The following MDN1 variants were observed in gnomAD, a reference collection of about 807,000 sequenced individuals.
MDN1 encodes midasin.
MDN1 carries 266 observed loss-of-function variants against 669.2 expected under a neutral mutation model. The observed-to-expected ratio is 0.40, with a 90% CI of 0.36 to 0.44. The LOEUF is 0.44. Ranked by LOEUF, MDN1 falls within the 20% of genes least tolerant of loss-of-function variation. The pLI is 1.00. For missense variants in MDN1, 5,940 were observed against 6,754.0 expected, an observed-to-expected ratio of 0.88 and a Z score of 4.22; for synonymous variants, 2,385 against 2,457.1, an observed-to-expected ratio of 0.97 and a Z score of 0.87.
chr6:89,796,328 AAAAAAAAAAAAAAAAAAAAAAAC>A (rs1584384971), intron 2 of MDN1, among the ~76,000 whole-genome samples: 3 of 105,624 alleles, frequency 2.8e-5, no homozygotes, highest in Non-Finnish European at 4.5e-5. Context: ...CTGTCTCAAA[AAAAAAAAAAAAAAAAAAAAAAAC>A]AAAAAAAAAA....
At chr6:89,744,984 T>C (rs967055480) in intron 29 of MDN1, among the ~76,000 whole-genome samples, 1 of 151,540 alleles carries the variant, frequency 6.6e-6, no homozygotes, top group Admixed American at 6.6e-5. Context: ...TTTTTTTTTT[T>C]TTAGGGTACA....
chr6:89,732,562 C>T lies in MDN1; in HGVS notation c.4937G>A (p.Gly1646Asp). 6.2e-7 allele frequency: 1 copy of T among 1,614,012 alleles called. No individual in the cohort carries two copies. The highest frequency in any genetic ancestry group is 8.5e-7 in the Non-Finnish European group (1 of 1,179,862). The change falls in exon 34 of 102, where the codon GGT becomes GAT. Residue 1646 changes from glycine to aspartate, a missense_variant. Around this residue, in one of 5 missense-constraint regions of MDN1, gnomAD observed 2,292 missense variants for 2,638.3 expected, o/e 0.87. Coordinates refer to ENST00000369393, the MANE Select transcript of MDN1 (RefSeq NM_014611.3). ...CCAGCTACCAGACAACATACCTGAACCTATTCCATCTATGTACACCAGGCA... is the reference window on the plus strand; with the variant it reads ...CCAGCTACCAGACAACATACCTGAATCTATTCCATCTATGTACACCAGGCA... ...AACLVYIDGI[G>D]SGVTSSGFGT...
chr6:89,718,414 A>G lies in MDN1; in HGVS notation c.6535T>C (p.Leu2179=), dbSNP rs774382060. The G allele has an allele frequency of 1.4e-5, 22 of 1,613,948 alleles. No homozygotes were observed. The highest frequency in any genetic ancestry group is 8.9e-5 in the East Asian group (4 of 44,902). Reference sequence around the variant, plus strand: ...TTATTGTTGAGTCGCTGCATAAGCAATAACACTGCTTCTAGTTTGTTGACA... The same window carrying G: ...TTATTGTTGAGTCGCTGCATAAGCAGTAACACTGCTTCTAGTTTGTTGACA... ...EIVNKLEAVL[L]LMQRLNNKIN... Residue 2179 remains leucine (L), a synonymous_variant, in exon 43 of 102, where the codon TTG becomes CTG. Transcript: ENST00000369393.
intron 2 of MDN1, among the ~76,000 whole-genome samples, chr6:89,796,559 ATGT>A (rs1228441211): frequency 1.3e-5 from 2 of 152,088 alleles, no homozygotes; most frequent in Non-Finnish European, 2.9e-5. Context: ...ATGAACCTTA[ATGT>A]AATCAGGTGG....
At position 89,785,860 on chromosome 6, in the gene MDN1, T is replaced by A. The variant is rs891994509; in HGVS notation, c.1335-734A>T. Among the ~76,000 whole-genome samples the A allele has an allele frequency of 3.0e-4, 45 of 152,148 alleles. 3 individuals are homozygous for A. Among genetic ancestry groups the A allele is most frequent in the Non-Finnish European group, 2.9e-5 (2 of 68,024 alleles). On this transcript the variant is annotated intron_variant, in intron 8 of 101. Transcript: ENST00000369393. ...ACTATCTCTATAAATAAAATCAAGG[T>A]CAGCCAGGCTCAGTGGCTCATGTCG...
In MDN1 at chr6:89,653,096, T is replaced by G; in HGVS notation, c.15721A>C (p.Arg5241=). Reference sequence around the variant, plus strand: ...GTCTCCTTATGGGCTTTGTCTGTTCTGGGGTCTTGGTCTTCCTCTGTTTTA... The same window carrying G: ...GTCTCCTTATGGGCTTTGTCTGTTCGGGGGTCTTGGTCTTCCTCTGTTTTA... ...TVKTEEDQDP[R]TDKAHKETEN... is the part of the protein sequence containing the mutation. Residue 5241 remains arginine, a synonymous_variant, in exon 94 of 102, where the codon AGA becomes CGA. Coordinates refer to ENST00000369393, the MANE Select transcript of MDN1 (RefSeq NM_014611.3). 1.2e-6 allele frequency: 2 copies of G among 1,614,206 alleles called. No homozygotes were observed. Among genetic ancestry groups the G allele is most frequent in the Non-Finnish European group, 1.7e-6 (2 of 1,180,036 alleles).
Position 89,708,487 on chromosome 6 carries a change from T to G in MDN1, c.7898+9A>C. On this transcript the variant is annotated intron_variant, in intron 51 of 101. Transcript: ENST00000369393. ...GCAAACAGTGCCCAGAGCAGCAGGT[T>G]TCACTTACTTGTTTGCAGCTGATTC... The G allele has an allele frequency of 2.5e-6, 4 of 1,613,792 alleles. No homozygotes were observed. The South Asian group carries it at 4.4e-5, about 18-fold the overall frequency.
At chr6:89,725,930 T>TACAC (rs71024397) in intron 37 of MDN1, among the ~76,000 whole-genome samples, 385 of 147,576 alleles carry the variant, frequency 2.6e-3, no homozygotes, top group South Asian at 5.2e-3. Context: ...TGGTATTTTA[T>TACAC]ACACACACAC....
At chr6:89,813,028 C>A (rs569447395) in intron 1 of MDN1, among the ~76,000 whole-genome samples, 3 of 152,158 alleles carry the variant, frequency 2.0e-5, no homozygotes, top group South Asian at 4.1e-4. Context: ...ACAACCTCTG[C>A]CTCCCAGGTT....
rs760059764 is a variant in MDN1 at position 89,712,108 on chromosome 6, CTCTT to C, written c.7575_7578del (p.Arg2526GlnfsTer16). ...CTGAGCATCCAATCCTGATTGGTTG[CTCTT>C]TCTATGAGCAATTTAACAGCCATGA... On this transcript the variant is annotated frameshift_variant, in exon 49 of 102. Transcript: ENST00000369393. LOFTEE classifies it high-confidence loss of function. 1.2e-6 allele frequency: 2 copies of C among 1,614,148 alleles called. No individual in the cohort carries two copies. Among genetic ancestry groups the C allele is most frequent in the Non-Finnish European group, 1.7e-6 (2 of 1,179,994 alleles).
At chr6:89,799,680 T>C (rs769644847) in intron 2 of MDN1, among the ~76,000 whole-genome samples, 15 of 151,886 alleles carry the variant, frequency 9.9e-5, no homozygotes, top group African/African-American at 2.9e-4. Context: ...CGAAATTCCA[T>C]CTCCAAAGAA....
rs756082231 is a variant in MDN1, at chr6:89,699,002, C to G, written c.9031G>C (p.Glu3011Gln). ...SPEEITSLWS[E>Q]LFNSMFMSFW... ...GACATAAACATGGAATTAAATAACT[C>G]GGACCACAAAGATGTAATTTCTTCA... Residue 3011 changes from glutamate (E) to glutamine (Q), a missense_variant, in exon 59 of 102, where the codon GAG (glutamate) becomes CAG (glutamine). Glu to Gln is a conservative substitution (Grantham distance 29). Coordinates refer to ENST00000369393, the MANE Select transcript of MDN1 (RefSeq NM_014611.3). 6.2e-7 allele frequency: 1 copy of G among 1,613,556 alleles called. No homozygotes were observed. Among genetic ancestry groups the G allele is most frequent in the Admixed American group, 1.7e-5 (1 of 59,960 alleles).
At chr6:89,664,248 T>A (rs1245699221) in intron 85 of MDN1, among the ~76,000 whole-genome samples, 1 of 145,524 alleles carries the variant, frequency 6.9e-6, no homozygotes, top group Non-Finnish European at 1.5e-5. Context: ...AGCCACTGCA[T>A]CTAGCACACG....
chr6:89,786,062 G>C (rs1182521358), intron 8 of MDN1, among the ~76,000 whole-genome samples: 1 of 152,098 alleles, frequency 6.6e-6, no homozygotes, highest in Non-Finnish European at 1.5e-5. Flanking sequence ...AGAAGTTCAA[G>C]ACCAGCCTGG....
intron 1 of MDN1, among the ~76,000 whole-genome samples, chr6:89,816,717 C>A (rs1768864664): frequency 6.9e-6 from 1 of 145,748 alleles, no homozygotes. Flanking sequence ...CTCTGTCACC[C>A]ACGCTGGAGT....
At chr6:89,765,047 G>A (rs1418913353) in intron 15 of MDN1, among the ~76,000 whole-genome samples, 1 of 152,142 alleles carries the variant, frequency 6.6e-6, no homozygotes. Flanking sequence ...ACGAGGTCAG[G>A]AGATCGAGAT....
chr6:89,743,708 C>T lies in MDN1; in HGVS notation c.4185G>A (p.Gly1395=). 6.2e-7 allele frequency: 1 copy of T among 1,613,708 alleles called. No individual in the cohort carries two copies. Among genetic ancestry groups the T allele is most frequent in the Non-Finnish European group, 8.5e-7 (1 of 1,179,820 alleles). ...CAAATACCTGACAGATAGTAGTTTT[C>T]CCACACCTGTTAGAGATGTGCAACT... ...PVLLVGDTGC[G]KTTICQVFAA... The change falls in exon 30 of 102, where the codon GGG becomes GGA. Residue 1395 remains glycine (G), a synonymous_variant. Transcript: ENST00000369393.
intron 24 of MDN1, 61 bp downstream of exon 24, chr6:89,750,293 T>C (rs936146650): frequency 1.4e-6 from 2 of 1,479,498 alleles, no homozygotes; most frequent in Non-Finnish European, 1.9e-6. Flanking sequence ...AGAATATTAC[T>C]TAAGGAAATG....
chr6:89,677,388 C>G (rs1051252195), intron 76 of MDN1, among the ~76,000 whole-genome samples, 182 bp downstream of exon 76: 2 of 152,138 alleles, frequency 1.3e-5, no homozygotes, highest in African/African-American at 4.8e-5. Flanking sequence ...ACCACTGCAC[C>G]CAGCCTCACA....
Sources: allele counts gnomAD v4.1 joint callset (sites outside exome capture counted in the v4.1 genomes callset), GRCh38; gene constraint gnomAD v4.1.1; regional missense constraint gnomAD v4.1.1; transcripts MANE v1.5; gene names NCBI Gene and HGNC (gene_info 2026-07-23, HGNC 2026-07-21).